The following TCF20 variants were observed in gnomAD, a reference collection of about 807,000 sequenced individuals.
TCF20 encodes the protein SPRE-binding protein.
TCF20 carries 3 observed loss-of-function variants against 148.6 expected under a neutral mutation model. That is an observed-to-expected ratio of 0.02 (90% CI 0.01 to 0.05). TCF20 has a LOEUF of 0.05. TCF20 is among the 10% of genes least tolerant of loss of function. The pLI is 1.00. For synonymous variants in TCF20, 1,049 were observed against 909.5 expected (o/e 1.15, Z -2.76); for missense variants, 2,350 against 2,429.3 (o/e 0.97, Z 0.69).
chr22:42,288,715 C>CAAAA (rs60058670), upstream of TCF20, among the ~76,000 whole-genome samples: 55 of 85,242 alleles, frequency 6.5e-4, no homozygotes, highest in East Asian at 1.4e-3. Context: ...GACCCTGTAT[C>CAAAA]AAAAAAAAAA....
At chr22:42,182,188 A>T (rs1373235120) in intron 2 of TCF20, among the ~76,000 whole-genome samples, 1 of 152,226 alleles carries the variant, frequency 6.6e-6, no homozygotes, top group African/African-American at 2.4e-5. Flanking sequence ...ATGCTCTGGA[A>T]CCTAAATAAC....
rs758586270 is a variant in TCF20 at position 42,209,963 on chromosome 22, G to C, written c.5343C>G (p.Ala1781=). The change falls in exon 2 of 6, where the codon GCC becomes GCG. Residue 1781 remains alanine, a synonymous_variant. Transcript: ENST00000677622. Reference sequence around the variant, plus strand: ...GGCGCCGCTTAAACCTGGGGTGTGCGGCCAGGCTTCTCTGCTCCTTCTGCT... The same window carrying C: ...GGCGCCGCTTAAACCTGGGGTGTGCCGCCAGGCTTCTCTGCTCCTTCTGCT... ...QQQQKEQRSL[A]AHPRFKRRHR... is the part of the protein sequence containing the mutation. 1.9e-6 allele frequency: 3 copies of C among 1,613,676 alleles called. No homozygotes were observed. The highest frequency in any genetic ancestry group is 2.5e-6 in the Non-Finnish European group (3 of 1,180,018).
At chr22:42,263,267 G>A (rs1231800568) in intron 1 of TCF20, among the ~76,000 whole-genome samples, 2 of 152,138 alleles carry the variant, frequency 1.3e-5, no homozygotes, top group Non-Finnish European at 2.9e-5. Flanking sequence ...CTACCAAAGG[G>A]ATACAGAATC....
chr22:42,176,299 G>T (rs1233642927), intron 3 of TCF20, among the ~76,000 whole-genome samples: 1 of 152,200 alleles, frequency 6.6e-6, no homozygotes. Flanking sequence ...GGAGGTAAGG[G>T]CAAGAAGGAT....
rs1308801019 is a variant in TCF20, at chr22:42,299,025, CAG to C, written c.-37+44452_-37+44453del. On this transcript the variant is annotated intron_variant, in intron 1 of 1. Coordinates refer to the TCF20 transcript ENST00000515426. This position sits in a 1 kb window ranked among gnomAD's most constrained non-coding sequence, Gnocchi z 4.1. Reference sequence around the variant, plus strand: ...CTTAGAAGCTGTGGACCAACTGAAACAGAGAATAACCATGGCAGTGATGGGTG... The same window carrying C: ...CTTAGAAGCTGTGGACCAACTGAAACAGAATAACCATGGCAGTGATGGGTG... Among the ~76,000 whole-genome samples the C allele has an allele frequency of 1.3e-5, 2 of 152,212 alleles. No homozygotes were observed. The highest frequency in any genetic ancestry group is 2.9e-5 in the Non-Finnish European group (2 of 68,038).
chr22:42,162,599 A>G (rs1935532128), intron 5 of TCF20, among the ~76,000 whole-genome samples: 2 of 152,212 alleles, frequency 1.3e-5, no homozygotes, highest in South Asian at 4.1e-4. Context: ...AAATTTCACC[A>G]GAAGCCAGAA....
At chr22:42,219,194 G>A (rs1442691982) in intron 1 of TCF20, among the ~76,000 whole-genome samples, 1 of 150,810 alleles carries the variant, frequency 6.6e-6, no homozygotes, top group African/African-American at 2.4e-5. Context: ...GACCAGCCTG[G>A]GTTAAAAAAA....
chr22:42,314,725 C>T lies in TCF20; in HGVS notation c.-37+28754G>A, dbSNP rs569627495. On this transcript the variant is annotated intron_variant, in intron 1 of 1. Coordinates refer to the TCF20 transcript ENST00000515426. ...TGCTGACTGGCACAGTGCAAGCACC[C>T]GGTGGATGTCTGCTGAATGAAGGAA... is the stretch of plus-strand genomic sequence containing the variant. Among the ~76,000 whole-genome samples the T allele has an allele frequency of 2.4e-4, 36 of 152,332 alleles. 1 individual carries two copies. Among genetic ancestry groups the T allele is most frequent in the African/African-American group, 7.5e-4 (31 of 41,570 alleles).
chr22:42,247,284 A>G (rs1435434773), intron 1 of TCF20, among the ~76,000 whole-genome samples: 2 of 151,590 alleles, frequency 1.3e-5, no homozygotes, highest in African/African-American at 4.8e-5. Context: ...TACTAAAAAT[A>G]TAAGAATTTG....
chr22:42,215,430 T>A, intron 1 of TCF20, 89 bp from the exon 2 acceptor site: 1 of 1,443,604 alleles, frequency 6.9e-7, no homozygotes, highest in Non-Finnish European at 9.2e-7. Flanking sequence ...TAAAGATGAA[T>A]CAGAGGCCCA....
intron 1 of TCF20, among the ~76,000 whole-genome samples, chr22:42,253,012 AAG>A: frequency 6.6e-6 from 1 of 152,246 alleles, no homozygotes; most frequent in Non-Finnish European, 1.5e-5. Context: ...TCAGGTCAAT[AAG>A]AGAAGCAAAA....
intron 1 of TCF20, among the ~76,000 whole-genome samples, chr22:42,257,570 A>C (rs1275199992): frequency 6.6e-6 from 1 of 152,194 alleles, no homozygotes; most frequent in Non-Finnish European, 1.5e-5. Flanking sequence ...ATTCTTTCTC[A>C]ATGCACTGGC....
At chr22:42,234,509 A>G (rs1923703469) in intron 1 of TCF20, among the ~76,000 whole-genome samples, 1 of 152,128 alleles carries the variant, frequency 6.6e-6, no homozygotes, top group South Asian at 2.1e-4. Context: ...AGTTAGGAGG[A>G]GCGGAGGTGA....
At chr22:42,194,998 CT>C (rs1227845203) in intron 2 of TCF20, among the ~76,000 whole-genome samples, 21 of 151,778 alleles carry the variant, frequency 1.4e-4, no homozygotes, top group African/African-American at 5.1e-4. Flanking sequence ...CTGCTAAAAA[CT>C]ATCCACTGGA....
rs1921529041 is a variant in TCF20 at position 42,214,803 on chromosome 22, T to C, written c.503A>G (p.Gln168Arg). The C allele has an allele frequency of 6.2e-7, 1 of 1,614,016 alleles. No homozygotes were observed. The highest frequency in any genetic ancestry group is 1.7e-5 in the Admixed American group (1 of 60,010). The change falls in exon 2 of 6, where the codon CAA becomes CGA. Residue 168 changes from glutamine (Q) to arginine (R), a missense_variant. This residue lies in a region of TCF20 where 1,641 missense variants were observed against 1,662.6 expected (regional missense o/e 0.99). Coordinates refer to ENST00000677622, the MANE Select transcript of TCF20 (RefSeq NM_001378418.1). ...GPFSPGSAQY[Q>R]QQASSQQQQQ... is the part of the protein sequence containing the mutation. ...CTGCTGCTGGCTGGAAGCCTGCTGT[T>C]GGTACTGAGCACTCCCTGGAGAGAA...
intron 1 of TCF20, among the ~76,000 whole-genome samples, chr22:42,238,581 T>A (rs927412750): frequency 6.6e-6 from 1 of 152,250 alleles, no homozygotes; most frequent in Non-Finnish European, 1.5e-5. Context: ...TTCTAGCTTC[T>A]GATTTAAAAG....
chr22:42,165,329 G>T (rs1238044002), intron 5 of TCF20, among the ~76,000 whole-genome samples: 1 of 152,252 alleles, frequency 6.6e-6, no homozygotes, highest in Non-Finnish European at 1.5e-5. Flanking sequence ...AGGGTACATA[G>T]CATCCAGGAT....
intron 1 of TCF20, among the ~76,000 whole-genome samples, chr22:42,220,778 C>T (rs1335584998): frequency 3.3e-5 from 5 of 152,160 alleles, no homozygotes; most frequent in Non-Finnish European, 7.3e-5. Flanking sequence ...GCTCCCACCC[C>T]GAGGTTACTG....
intron 2 of TCF20, among the ~76,000 whole-genome samples, chr22:42,204,879 A>G (rs1174690752): frequency 6.6e-6 from 1 of 152,118 alleles, no homozygotes; most frequent in Admixed American, 6.5e-5. Context: ...AAATTAACCT[A>G]AAACCAGTTA....
Sources: gnomAD v4.1 joint callset for allele counts (sites outside exome capture counted in the v4.1 genomes callset) on GRCh38, gnomAD v4.1.1 for gene constraint, gnomAD v4.1.1 regional missense constraint, Gnocchi (gnomAD v3.1) non-coding constraint, MANE v1.5 for transcripts, NCBI Gene and HGNC (gene_info 2026-07-23, HGNC 2026-07-21) for gene names.